The following FN3KRP variants were observed in gnomAD, a reference collection of about 807,000 sequenced individuals.
The protein encoded by FN3KRP is fructosamine 3 kinase related protein, also known as ketosamine-3-kinase.
In FN3KRP, 33 loss-of-function variants were observed where a neutral mutation model predicts 29.8. The ratio of observed to expected loss-of-function variants is 1.11; its 90% CI spans 0.84 to 1.48. The LOEUF (loss-of-function observed/expected upper bound fraction) is 1.48, where lower values mean the gene tolerates loss of function less well. FN3KRP is among the 40% of genes most tolerant of loss of function. The pLI is 0.00. For missense variants in FN3KRP, 430 were observed against 402.6 expected (o/e 1.07, Z -0.58); for synonymous variants, 157 against 155.2 (o/e 1.01, Z -0.09).
chr17:82,720,623 C>T (rs2046792156), intron 3 of FN3KRP: 3 of 350,780 alleles, frequency 8.6e-6, no homozygotes, highest in African/African-American at 2.1e-5. Context: ...GTTACTTTTA[C>T]CTCTCGTTCC....
In FN3KRP at chr17:82,716,725, T is replaced by G. The variant is rs1598330955; in HGVS notation, c.-31T>G. On this transcript the variant is annotated 5_prime_UTR_variant, in exon 1 of 6. Coordinates refer to ENST00000269373, the MANE Select transcript of FN3KRP (RefSeq NM_024619.4). Reference sequence around the variant, plus strand: ...CGCCGTCTCTCGAGTCTCCGCCAGATCCGGGGCGGGTCCGCGGCCGCGGCG... The same window carrying G: ...CGCCGTCTCTCGAGTCTCCGCCAGAGCCGGGGCGGGTCCGCGGCCGCGGCG... The G allele has an allele frequency of 2.0e-6, 3 of 1,474,828 alleles. No homozygotes were observed. The highest frequency in any genetic ancestry group is 5.6e-5 in the East Asian group (2 of 35,686). 91.4% of individuals were successfully genotyped at this position (1,474,828 alleles called of 1,614,324 possible).
chr17:82,716,932 T>C, intron 1 of FN3KRP, 36 bp downstream of exon 1: 2 of 1,555,690 alleles, frequency 1.3e-6, no homozygotes, highest in Non-Finnish European at 8.6e-7. Flanking sequence ...GGGGACCGGT[T>C]TCTTTCCGGA....
At chr17:82,724,033 C>T (rs927097635) in intron 4 of FN3KRP, among the ~76,000 whole-genome samples, 1 of 152,080 alleles carries the variant, frequency 6.6e-6, no homozygotes, top group African/African-American at 2.4e-5. Flanking sequence ...TGGTTCATGC[C>T]TGTAATTCCA....
intron 1 of FN3KRP, among the ~76,000 whole-genome samples, 199 bp downstream of exon 1, chr17:82,717,095 C>T (rs1247011349): frequency 8.5e-5 from 13 of 152,084 alleles, no homozygotes; most frequent in African/African-American, 3.1e-4. Flanking sequence ...CCGGGGCGTC[C>T]GGAGGAGTTT....
At chr17:82,724,433 GTC>G (rs1484874940) in intron 4 of FN3KRP, among the ~76,000 whole-genome samples, 1 of 151,960 alleles carries the variant, frequency 6.6e-6, no homozygotes. Context: ...GTGAAATCCT[GTC>G]TCTACTAAAA....
chr17:82,716,923 G>A, intron 1 of FN3KRP, 27 bp downstream of exon 1: 1 of 1,560,254 alleles, frequency 6.4e-7, no homozygotes, highest in Non-Finnish European at 8.6e-7. Flanking sequence ...GGCGGGCCGG[G>A]GGACCGGTTT....
In FN3KRP at chr17:82,718,945, G is replaced by A. The variant is rs1181682428; in HGVS notation, c.181G>A (p.Ala61Thr). 2.5e-6 allele frequency: 4 copies of A among 1,614,092 alleles called. No individual in the cohort carries two copies. The East Asian group carries it at 8.9e-5, about 36-fold the overall frequency. Residue 61 changes from alanine to threonine, a missense_variant, in exon 2 of 6, where the codon GCC (alanine) becomes ACC (threonine). Transcript: ENST00000269373. ...MFEGEMASLT[A>T]ILKTNTVKVP... The stretch of plus-strand genomic sequence containing the variant: ...TGAAGGTGAGATGGCAAGTTTAACT[G>A]CCATCCTGAAAACAAACACGGTGAA...
chr17:82,719,474 G>A (rs920801085), intron 2 of FN3KRP, among the ~76,000 whole-genome samples: 12 of 152,262 alleles, frequency 7.9e-5, no homozygotes, highest in Non-Finnish European at 1.6e-4. Flanking sequence ...CTCGCTGCAC[G>A]CCGGCCGCGG....
intron 3 of FN3KRP, among the ~76,000 whole-genome samples, chr17:82,722,370 G>A (rs910967883): frequency 3.9e-5 from 6 of 152,196 alleles, no homozygotes; most frequent in Non-Finnish European, 7.4e-5. Flanking sequence ...GCTGACCTCC[G>A]GTGATCCGCC....
Position 82,727,015 on chromosome 17 carries a change from C to G in FN3KRP, c.774C>G (p.Ser258=). ...IAGMFGGFSS[S]FYSAYHGKIP... The stretch of plus-strand genomic sequence containing the variant: ...GCATGTTTGGGGGCTTTAGCAGCTC[C>G]TTTTACTCCGCCTACCACGGCAAAA... Residue 258 remains serine, a synonymous_variant, in exon 6 of 6, where the codon TCC becomes TCG. Coordinates refer to ENST00000269373, the MANE Select transcript of FN3KRP (RefSeq NM_024619.4). The G allele has an allele frequency of 6.2e-7, 1 of 1,614,156 alleles. No homozygotes were observed. Among genetic ancestry groups the G allele is most frequent in the South Asian group, 1.1e-5 (1 of 91,086 alleles).
chr17:82,726,494 G>A lies in FN3KRP; in HGVS notation c.483G>A (p.Gln161=). ...CGYLPQVNDW[Q]EDWVVFYARQ... ...TTACTGTGCAGGTGAATGACTGGCA[G>A]GAGGACTGGGTCGTGTTCTATGCCC... The change falls in exon 5 of 6, where the codon CAG becomes CAA. Residue 161 remains glutamine (Q), a synonymous_variant. Coordinates refer to ENST00000269373, the MANE Select transcript of FN3KRP (RefSeq NM_024619.4). 1 of 1,613,934 alleles carries A rather than the reference G, an allele frequency of 6.2e-7. No homozygotes were observed. Among genetic ancestry groups the A allele is most frequent in the Non-Finnish European group, 8.5e-7 (1 of 1,179,896 alleles).
chr17:82,717,213 C>T (rs961720760), intron 1 of FN3KRP, among the ~76,000 whole-genome samples: 15 of 152,190 alleles, frequency 9.9e-5, no homozygotes, highest in African/African-American at 3.4e-4. Flanking sequence ...GGACTGGCTG[C>T]TGCAGTCTTG....
Sources: gnomAD v4.1 joint callset for allele counts (sites outside exome capture counted in the v4.1 genomes callset) on GRCh38, gnomAD v4.1.1 for gene constraint, MANE v1.5 for transcripts, NCBI Gene and HGNC (gene_info 2026-07-23, HGNC 2026-07-21) for gene names.